The following MSTO1 variants were observed in gnomAD, a reference collection of about 807,000 sequenced individuals.
MSTO1 encodes misato mitochondrial distribution and morphology regulator 1, also known as protein misato homolog 1.
A neutral mutation model predicts 55.7 loss-of-function variants in MSTO1; 24 were observed. The ratio of observed to expected loss-of-function variants is 0.43; its 90% CI spans 0.31 to 0.61. The LOEUF is 0.61. Ranked by LOEUF, MSTO1 falls within the 20% of genes least tolerant of loss-of-function variation. The probability of loss-of-function intolerance (pLI) is 0.09; values close to 1 mark genes in which losing one functional copy is unlikely to be tolerated. For missense variants in MSTO1, 363 were observed against 625.7 expected, an observed-to-expected ratio of 0.58 and a Z score of 4.48; for synonymous variants, 162 against 252.8, an observed-to-expected ratio of 0.64 and a Z score of 3.41.
chr1:155,598,125 C>CT, the MSTO1 span, among the ~76,000 whole-genome samples: 71 of 146,584 alleles, frequency 4.8e-4, no homozygotes, highest in African/African-American at 1.3e-3. Flanking sequence ...GCCAGAATTT[C>CT]TTTTTTTTTT....
chr1:155,586,646 T>TA, the MSTO1 span: 1 of 488,234 alleles, frequency 2.0e-6, no homozygotes, highest in Non-Finnish European at 4.0e-6. Flanking sequence ...TTTTTTTTTT[T>TA]AAGAGTACAA....
the MSTO1 span, among the ~76,000 whole-genome samples, chr1:155,596,150 G>A: frequency 6.6e-6 from 1 of 152,062 alleles, no homozygotes; most frequent in African/African-American, 2.4e-5. Context: ...ATCTCAGCAG[G>A]GTGTGTTTTA....
At chr1:155,588,456 T>C in the MSTO1 span, among the ~76,000 whole-genome samples, 2 of 152,202 alleles carry the variant, frequency 1.3e-5, no homozygotes, top group Admixed American at 6.6e-5. Flanking sequence ...TTTATTTTTT[T>C]AATCCTCATG....
the MSTO1 span, among the ~76,000 whole-genome samples, chr1:155,575,493 A>C: frequency 6.6e-6 from 1 of 151,474 alleles, no homozygotes; most frequent in Non-Finnish European, 1.5e-5. Flanking sequence ...CCCCGGCTGG[A>C]GTGCAGTGGT....
intron 13 of MSTO1, 105 bp downstream of exon 13, chr1:155,613,871 TTATTCACCC>T: frequency 9.9e-7 from 1 of 1,005,726 alleles, no homozygotes; most frequent in African/African-American, 1.5e-5. Context: ...AAACATTCCT[TTATTCACCC>T]TATGGCTCCC....
rs752845617 is a variant in MSTO1, at chr1:155,613,496, C to G, written c.1318C>G (p.Leu440Val). ...LTPGTPPPSA[L>V]HACTTGEEIL... ...CCCAGGGACACCTCCACCCTCTGCCCTTCATGCATGTACCACTGGGGAAGA... is the reference window on the plus strand; with the variant it reads ...CCCAGGGACACCTCCACCCTCTGCCGTTCATGCATGTACCACTGGGGAAGA... Residue 440 changes from leucine to valine, a missense_variant, in exon 12 of 14, where the codon CTT becomes GTT. Coordinates refer to ENST00000245564, the MANE Select transcript of MSTO1 (RefSeq NM_018116.4). 46 of 1,613,856 alleles carry G rather than the reference C, an allele frequency of 2.9e-5. No homozygotes were observed. The highest frequency in any genetic ancestry group is 3.6e-5 in the Non-Finnish European group (42 of 1,179,942).
At chr1:155,595,136 T>TAA in the MSTO1 span, among the ~76,000 whole-genome samples, 15 of 89,314 alleles carry the variant, frequency 1.7e-4, no homozygotes, top group East Asian at 4.3e-3. Context: ...AGATTCTGTC[T>TAA]AAAAAAAAAA....
chr1:155,586,656 A>G, the MSTO1 span: 1 of 511,694 alleles, frequency 2.0e-6, no homozygotes. Context: ...TAAGAGTACA[A>G]GGACAATGCT....
chr1:155,605,621 G>A (rs1193405349), upstream of MSTO1, among the ~76,000 whole-genome samples: 4 of 152,094 alleles, frequency 2.6e-5, no homozygotes, highest in African/African-American at 9.7e-5. Flanking sequence ...GAGCAACATA[G>A]ACCTCCTCTC....
At chr1:155,564,027 A>G in the MSTO1 span, 1 of 167,968 alleles carries the variant, frequency 6.0e-6, no homozygotes, top group Admixed American at 5.5e-5. Flanking sequence ...CAGCAGAAAT[A>G]CGGACGATTA....
At chr1:155,601,045 C>A in the MSTO1 span, among the ~76,000 whole-genome samples, 2 of 148,636 alleles carry the variant, frequency 1.3e-5, no homozygotes, top group Non-Finnish European at 3.0e-5. Context: ...GTCTCAAGCT[C>A]CTGACCTCAG....
the MSTO1 span, among the ~76,000 whole-genome samples, chr1:155,591,650 C>G: frequency 2.6e-5 from 4 of 151,612 alleles, no homozygotes; most frequent in Admixed American, 6.6e-5. Flanking sequence ...ATTAGCCAGG[C>G]GTGGTGGCGC....
intron 4 of MSTO1, 52 bp downstream of exon 4, chr1:155,611,343 T>C (rs763904987): frequency 2.9e-5 from 47 of 1,613,794 alleles, no homozygotes; most frequent in Non-Finnish European, 3.6e-5. Flanking sequence ...CCCGAGGGTC[T>C]CCATAGGGGC....
At chr1:155,609,265 AGACAGAGTCTC>A (rs1673311001), upstream of MSTO1, among the ~76,000 whole-genome samples, 1 of 17,946 alleles carries the variant, frequency 5.6e-5, no homozygotes, top group South Asian at 1.9e-3. Context: ...TTTTTTTTTG[AGACAGAGTCTC>A]GCTCTGTCGC....
chr1:155,568,619 T>A, the MSTO1 span, among the ~76,000 whole-genome samples: 5 of 151,482 alleles, frequency 3.3e-5, no homozygotes, highest in African/African-American at 4.9e-5. Flanking sequence ...TTTGTGTTTT[T>A]AGTAGAGACA....
chr1:155,580,222 C>A, the MSTO1 span, among the ~76,000 whole-genome samples: 2 of 148,894 alleles, frequency 1.3e-5, no homozygotes, highest in African/African-American at 2.5e-5. Context: ...GAGACCCTGA[C>A]TCTAAGAAAA....
upstream of MSTO1, among the ~76,000 whole-genome samples, chr1:155,607,331 C>T (rs1343105000): frequency 2.0e-5 from 3 of 151,816 alleles, no homozygotes; most frequent in Non-Finnish European, 2.9e-5. Flanking sequence ...CGTGCCACCA[C>T]GCCCAGATAA....
At chr1:155,607,912 G>A (rs1282632432), upstream of MSTO1, among the ~76,000 whole-genome samples, 1 of 152,176 alleles carries the variant, frequency 6.6e-6, no homozygotes. Context: ...TGGGAGGATC[G>A]CTTCAGCCCA....
At chr1:155,569,174 C>T in the MSTO1 span, among the ~76,000 whole-genome samples, 1 of 151,864 alleles carries the variant, frequency 6.6e-6, no homozygotes. Context: ...CTTGCACTGT[C>T]ACCCAGGCTG....
Sources: allele counts gnomAD v4.1 joint callset (sites outside exome capture counted in the v4.1 genomes callset), GRCh38; gene constraint gnomAD v4.1.1; transcripts MANE v1.5; gene names NCBI Gene and HGNC (gene_info 2026-07-23, HGNC 2026-07-21).